Variants in HIP1 observed in about 807,000 individuals in gnomAD.
HIP1 encodes huntingtin interacting protein 1.
A neutral mutation model predicts 147.6 loss-of-function variants in HIP1; 65 were observed. The observed-to-expected ratio is 0.44, with a 90% CI of 0.36 to 0.54. The LOEUF (loss-of-function observed/expected upper bound fraction) is 0.54. Among genes scored for constraint, HIP1 ranks in the 20% least tolerant of loss-of-function variants. The probability of loss-of-function intolerance (pLI) is 0.00; values close to 1 mark genes in which losing one functional copy is unlikely to be tolerated. For synonymous variants in HIP1, 479 were observed against 504.0 expected (o/e 0.95, Z 0.67); for missense variants, 1,061 against 1,299.6 (o/e 0.82, Z 2.82).
intron 1 of HIP1, among the ~76,000 whole-genome samples, chr7:75,692,706 AG>A (rs1800504520): frequency 6.6e-6 from 1 of 151,990 alleles, no homozygotes; most frequent in South Asian, 2.1e-4. Flanking sequence ...CTGGGATTAC[AG>A]GCATGAGCCA....
At chr7:75,625,379 G>A (rs587593545) in intron 1 of HIP1, 2 of 152,696 alleles carry the variant, frequency 1.3e-5, no homozygotes, top group East Asian at 3.9e-4. Flanking sequence ...TGATGGCATT[G>A]TGTCCACCTT....
intron 1 of HIP1, among the ~76,000 whole-genome samples, chr7:75,646,295 C>G (rs1798800627): frequency 6.6e-6 from 1 of 152,190 alleles, no homozygotes; most frequent in Non-Finnish European, 1.5e-5. Flanking sequence ...CCATGTTGAC[C>G]AGGCTGGCGT....
At chr7:75,684,857 C>A (rs113478865) in intron 1 of HIP1, among the ~76,000 whole-genome samples, 1,896 of 152,042 alleles carry the variant, frequency 0.012, 45 homozygotes, top group African/African-American at 0.044. Context: ...TTTGGGAGGC[C>A]GAGAAAGGCG....
At chr7:75,690,580 G>A (rs1365000505) in intron 1 of HIP1, among the ~76,000 whole-genome samples, 1 of 151,972 alleles carries the variant, frequency 6.6e-6, no homozygotes, top group Non-Finnish European at 1.5e-5. Flanking sequence ...GTTAAACACA[G>A]GGCCGGGCGT....
chr7:75,536,448 T>A lies in HIP1; in HGVS notation c.*1724A>T. 4.4e-6 allele frequency: 1 copy of A among 229,162 alleles called. No homozygotes were observed. Among genetic ancestry groups the A allele is most frequent in the Non-Finnish European group, 8.7e-6 (1 of 115,330 alleles). 14.2% of individuals were successfully genotyped at this position (229,162 alleles called of 1,614,324 possible). ...CCTAGCAATATTCTGTTGGAGCAGA[T>A]CCTGGGAAGTGCTTGATGGCTACCA... On this transcript the variant is annotated 3_prime_UTR_variant, in exon 31 of 31. Coordinates refer to ENST00000336926, the MANE Select transcript of HIP1 (RefSeq NM_005338.7).
At position 75,666,932 on chromosome 7, in the gene HIP1, C is replaced by T. The variant is rs782325067; in HGVS notation, c.121-67685G>A. Among the ~76,000 whole-genome samples, 17 of 151,852 alleles carry T rather than the reference C, an allele frequency of 1.1e-4. 1 individual carries two copies. Among genetic ancestry groups the T allele is most frequent in the African/African-American group, 1.7e-4 (7 of 41,340 alleles). On this transcript the variant is annotated intron_variant, in intron 1 of 30. Transcript: ENST00000336926. The stretch of plus-strand genomic sequence containing the variant: ...TCATACTAAGCAAAAAAGCAGGACA[C>T]GAAACCATTTATATAGTATGAGCAC...
intron 8 of HIP1, 121 bp downstream of exon 8, chr7:75,573,640 G>T: frequency 4.8e-6 from 5 of 1,034,982 alleles, no homozygotes; most frequent in Non-Finnish European, 7.1e-6. Context: ...GGGGCCTTTT[G>T]GAACAGAAGC....
At chr7:75,728,014 T>C (rs1801708886) in intron 1 of HIP1, among the ~76,000 whole-genome samples, 2 of 152,158 alleles carry the variant, frequency 1.3e-5, no homozygotes, top group Non-Finnish European at 2.9e-5. Flanking sequence ...ACTTCCTGAG[T>C]GCTCTCAAAC....
intron 4 of HIP1, among the ~76,000 whole-genome samples, chr7:75,587,369 A>C (rs1584840067): frequency 6.6e-6 from 1 of 152,144 alleles, no homozygotes; most frequent in Non-Finnish European, 1.5e-5. Context: ...GGCGTGAGCC[A>C]CCGCACCCAG....
At chr7:75,735,067 A>G (rs1347653569) in intron 1 of HIP1, among the ~76,000 whole-genome samples, 1 of 152,204 alleles carries the variant, frequency 6.6e-6, no homozygotes, top group Non-Finnish European at 1.5e-5. Flanking sequence ...TCCACAGTTT[A>G]CAAAATGCCT....
At chr7:75,649,662 G>T (rs1554511649) in intron 1 of HIP1, among the ~76,000 whole-genome samples, 1 of 152,120 alleles carries the variant, frequency 6.6e-6, no homozygotes, top group East Asian at 1.9e-4. Context: ...CCTCCCCCAG[G>T]AGGCTGTGAT....
In HIP1 at chr7:75,612,443, A is replaced by G. The variant is rs183261678; in HGVS notation, c.121-13196T>C. On this transcript the variant is annotated intron_variant, in intron 1 of 30. Transcript: ENST00000336926. ...AGAATCACTTGAACCCACGAGGTGG[A>G]GGTTGCAGTGAGCCGAATTCGCGCC... Among the ~76,000 whole-genome samples the G allele has an allele frequency of 4.7e-3, 720 of 152,004 alleles. 3 individuals carry two copies. The highest frequency in any genetic ancestry group is 8.7e-3 in the Non-Finnish European group (594 of 67,970).
intron 22 of HIP1, among the ~76,000 whole-genome samples, chr7:75,550,996 G>A (rs993727404): frequency 6.6e-6 from 1 of 152,048 alleles, no homozygotes; most frequent in Non-Finnish European, 1.5e-5. Flanking sequence ...ACAGACGGAT[G>A]AATTAAGCGA....
chr7:75,618,123 C>A (rs587626868), intron 1 of HIP1, among the ~76,000 whole-genome samples: 1 of 152,284 alleles, frequency 6.6e-6, no homozygotes, highest in Non-Finnish European at 1.5e-5. Context: ...ATGCCCTCTA[C>A]CACCCTCTCG....
chr7:75,594,402 G>A (rs1187747872), intron 2 of HIP1, among the ~76,000 whole-genome samples: 1 of 151,394 alleles, frequency 6.6e-6, no homozygotes, highest in Admixed American at 6.6e-5. Flanking sequence ...CCCATATATG[G>A]GATCCTGGAA....
intron 29 of HIP1, among the ~76,000 whole-genome samples, chr7:75,540,200 G>A (rs587663118): frequency 6.6e-6 from 1 of 152,176 alleles, no homozygotes; most frequent in South Asian, 2.1e-4. Context: ...GGCCAACGTG[G>A]GTGGATCACC....
intron 9 of HIP1, chr7:75,563,535 G>A (rs1795303841): frequency 8.3e-6 from 4 of 484,168 alleles, no homozygotes; most frequent in Non-Finnish European, 1.5e-5. Context: ...CATTGCTGTA[G>A]AACACATGTT....
At chr7:75,574,732 G>A (rs1361113829) in intron 7 of HIP1, among the ~76,000 whole-genome samples, 1 of 152,182 alleles carries the variant, frequency 6.6e-6, no homozygotes, top group Admixed American at 6.6e-5. Context: ...CATCATGACT[G>A]GGTGAACTAA....
At chr7:75,565,966 G>C (rs781953735) in intron 9 of HIP1, among the ~76,000 whole-genome samples, 4 of 150,956 alleles carry the variant, frequency 2.6e-5, no homozygotes, top group African/African-American at 9.9e-5. Context: ...CACTTGCTTC[G>C]GCCTCCCAAA....
Sources: allele counts gnomAD v4.1 joint callset (sites outside exome capture counted in the v4.1 genomes callset), GRCh38; gene constraint gnomAD v4.1.1; transcripts MANE v1.5; gene names NCBI Gene and HGNC (gene_info 2026-07-23, HGNC 2026-07-21).